Variants in MGA observed in about 807,000 individuals in gnomAD.
MGA encodes the protein MAX dimerization protein MGA, also known as MAX gene-associated protein.
Under a neutral mutation model 261.1 loss-of-function variants are expected in MGA, and 40 were observed. The ratio of observed to expected loss-of-function variants is 0.15; its 90% CI spans 0.12 to 0.20. The LOEUF is 0.20. Among genes scored for constraint, MGA ranks in the 10% least tolerant of loss-of-function variants. The pLI, the probability that MGA is intolerant of heterozygous loss-of-function variation, is 1.00. For missense variants in MGA, 3,397 were observed against 3,630.5 expected (o/e 0.94, Z 1.65); for synonymous variants, 1,302 against 1,290.6 (o/e 1.01, Z -0.19).
In MGA at chr15:41,749,690, G is replaced by A. The variant is rs773937278; in HGVS notation, c.6083G>A (p.Arg2028Lys). The A allele has an allele frequency of 1.2e-6, 2 of 1,614,040 alleles. No homozygotes were observed. The highest frequency in any genetic ancestry group is 4.5e-5 in the East Asian group (2 of 44,890). The change falls in exon 17 of 24, where the codon AGG (arginine) becomes AAG (lysine). Residue 2028 changes from arginine (R) to lysine (K), a missense_variant. Physicochemically the swap from Arg to Lys is conservative, Grantham distance 26. Transcript: ENST00000219905. The stretch of plus-strand genomic sequence containing the variant: ...ACTCTGAATGATTCCTTGGAAGATA[G>A]GGGTGATCATTTGGATGAAGAATGC...
intron 13 of MGA, among the ~76,000 whole-genome samples, chr15:41,738,565 G>T (rs1283052058): frequency 1.3e-5 from 2 of 152,126 alleles, no homozygotes; most frequent in Non-Finnish European, 2.9e-5. Context: ...GAAAACAGAG[G>T]TTTGCCTGAT....
In MGA at chr15:41,749,701, T is replaced by C; in HGVS notation, c.6094T>C (p.Leu2032=). 1 of 1,613,996 alleles carries C rather than the reference T, an allele frequency of 6.2e-7. No individual in the cohort carries two copies. The highest frequency in any genetic ancestry group is 1.1e-5 in the South Asian group (1 of 91,074). The stretch of plus-strand genomic sequence containing the variant: ...TTCCTTGGAAGATAGGGGTGATCAT[T>C]TGGATGAAGAATGCCTTCCAGAAGA... The change falls in exon 17 of 24, where the codon TTG becomes CTG. Residue 2032 remains leucine (L), a synonymous_variant. Coordinates refer to ENST00000219905, the MANE Select transcript of MGA (RefSeq NM_001164273.2).
chr15:41,721,020 G>A (rs566471107), intron 9 of MGA, among the ~76,000 whole-genome samples: 4 of 152,080 alleles, frequency 2.6e-5, no homozygotes, highest in African/African-American at 7.2e-5. Context: ...TTGTAGGTAC[G>A]TTATACACCT....
intron 1 of MGA, among the ~76,000 whole-genome samples, chr15:41,650,562 C>T (rs897940640): frequency 8.5e-5 from 13 of 152,168 alleles, no homozygotes; most frequent in Admixed American, 3.9e-4. Flanking sequence ...CTCAGCCTCC[C>T]GAGTAAATGG....
At chr15:41,741,987 G>GGT (rs2062134412) in intron 14 of MGA, among the ~76,000 whole-genome samples, 1 of 151,852 alleles carries the variant, frequency 6.6e-6, no homozygotes, top group Non-Finnish European at 1.5e-5. Context: ...TGGGATTACA[G>GGT]GTGTGAGTCA....
intron 1 of MGA, among the ~76,000 whole-genome samples, chr15:41,651,810 CCTTT>C (rs2057065029): frequency 2.9e-5 from 1 of 34,064 alleles, no homozygotes; most frequent in African/African-American, 1.1e-4. Context: ...CCCCCCTCTT[CCTTT>C]CCCTTCTCCT....
chr15:41,687,565 G>A (rs1256032151), intron 2 of MGA, among the ~76,000 whole-genome samples: 1 of 152,068 alleles, frequency 6.6e-6, no homozygotes, highest in Non-Finnish European at 1.5e-5. Context: ...TTTTTCATTT[G>A]TATGTATTTT....
chr15:41,755,405 A>C (rs2063089920), intron 18 of MGA, among the ~76,000 whole-genome samples: 1 of 152,252 alleles, frequency 6.6e-6, no homozygotes, highest in Admixed American at 6.5e-5. Flanking sequence ...TAAACTTGAA[A>C]GAATTTAAAT....
chr15:41,649,308 G>A (rs1193832761), intron 1 of MGA, among the ~76,000 whole-genome samples: 3 of 151,872 alleles, frequency 2.0e-5, no homozygotes, highest in Non-Finnish European at 4.4e-5. Flanking sequence ...TTGAACCTGG[G>A]TGGCAGAGGT....
intron 11 of MGA, among the ~76,000 whole-genome samples, chr15:41,733,011 T>C (rs1270576397): frequency 6.6e-6 from 1 of 152,142 alleles, no homozygotes; most frequent in Non-Finnish European, 1.5e-5. Context: ...CAGGCTGGAG[T>C]GCAGTGGCGC....
At chr15:41,624,962 T>G (rs909071964) in intron 1 of MGA, among the ~76,000 whole-genome samples, 2 of 151,770 alleles carry the variant, frequency 1.3e-5, no homozygotes, top group African/African-American at 4.8e-5. Context: ...GGTAACAGAG[T>G]GAGACCCCAT....
rs1204375221 is a variant in MGA, at chr15:41,760,293, G to A, written c.7192-30G>A. On this transcript the variant is annotated intron_variant, in intron 19 of 23. Coordinates refer to ENST00000219905, the MANE Select transcript of MGA (RefSeq NM_001164273.2). ...GTAAGAGGGCCAACTACATGTTCAA[G>A]ATGTTTAGGAGGCAATCTTGTTTGG... The A allele has an allele frequency of 3.7e-6, 6 of 1,607,482 alleles. No individual in the cohort carries two copies. The Admixed American group carries it at 1.0e-4, about 27-fold the overall frequency.
chr15:41,732,629 G>A (rs1427506189), intron 11 of MGA, among the ~76,000 whole-genome samples: 2 of 152,170 alleles, frequency 1.3e-5, no homozygotes, highest in Admixed American at 6.5e-5. Context: ...TAAATGTGCT[G>A]TTTATCCTCT....
chr15:41,766,895 T>G lies in MGA; in HGVS notation c.8813T>G (p.Leu2938Arg). ...ATTGACTCTGAAATAAAGGATTCCCTCCTTTCCAACAAGAAAGCTATTGAT... is the reference window on the plus strand; with the variant it reads ...ATTGACTCTGAAATAAAGGATTCCCGCCTTTCCAACAAGAAAGCTATTGAT... The change falls in exon 24 of 24, where the codon CTC becomes CGC. Residue 2938 changes from leucine to arginine, a missense_variant. Coordinates refer to ENST00000219905, the MANE Select transcript of MGA (RefSeq NM_001164273.2). The G allele has an allele frequency of 6.2e-7, 1 of 1,613,998 alleles. No homozygotes were observed. Among genetic ancestry groups the G allele is most frequent in the Non-Finnish European group, 8.5e-7 (1 of 1,179,888 alleles).
intron 2 of MGA, among the ~76,000 whole-genome samples, chr15:41,694,367 C>T (rs192518913): frequency 6.6e-6 from 1 of 151,972 alleles, no homozygotes; most frequent in Admixed American, 6.6e-5. Context: ...CACTGTACTC[C>T]AGCCTGGGTG....
At chr15:41,746,966 T>C (rs2062531899) in intron 15 of MGA, among the ~76,000 whole-genome samples, 1 of 18,902 alleles carries the variant, frequency 5.3e-5, no homozygotes, top group Admixed American at 8.5e-4. Flanking sequence ...CTTTATCTCT[T>C]TGATCTAAAA....
rs979992132 is a variant in MGA, at chr15:41,709,552, C to G, written c.2426-1139C>G. Among the ~76,000 whole-genome samples, 8 of 151,986 alleles carry G rather than the reference C, an allele frequency of 5.3e-5. No individual in the cohort carries two copies. In the East Asian group the frequency reaches 1.4e-3, roughly 26 times the overall value. On this transcript the variant is annotated intron_variant, in intron 7 of 23. Coordinates refer to ENST00000219905, the MANE Select transcript of MGA (RefSeq NM_001164273.2). ...CTTGACCTCCTGGGCTCAAGTGATTCTCCCTGCTCAGCCTCCAGAATAGCT... is the reference window on the plus strand; with the variant it reads ...CTTGACCTCCTGGGCTCAAGTGATTGTCCCTGCTCAGCCTCCAGAATAGCT...
rs2695163 is a variant in MGA at position 41,749,514 on chromosome 15, G to A, written c.5907G>A (p.Lys1969=). The A allele has an allele frequency of 0.79, 1,271,227 of 1,613,664 alleles. 507,006 individuals are homozygous for A. The highest frequency in any genetic ancestry group is 0.89 in the East Asian group (40,007 of 44,876). Residue 1969 remains lysine (K), a synonymous_variant, in exon 17 of 24, where the codon AAG becomes AAA. Transcript: ENST00000219905. ...AGCATGTTGCTTCCCTTCAGATGAA[G>A]AGAGAATCTCAGAATCCAGACCAGA...
intron 2 of MGA, among the ~76,000 whole-genome samples, chr15:41,671,582 G>A (rs993785327): frequency 2.0e-5 from 3 of 151,922 alleles, no homozygotes; most frequent in Admixed American, 2.0e-4. Context: ...ACCCGCCTCC[G>A]CCTCCCAAAG....
Sources: allele counts gnomAD v4.1 joint callset (sites outside exome capture counted in the v4.1 genomes callset), GRCh38; gene constraint gnomAD v4.1.1; transcripts MANE v1.5; gene names NCBI Gene and HGNC (gene_info 2026-07-23, HGNC 2026-07-21).